Variants in STAT3 observed in about 807,000 individuals in gnomAD.
The protein encoded by STAT3 is DNA-binding protein APRF.
A neutral mutation model predicts 114.3 loss-of-function variants in STAT3; 7 were observed. That is an observed-to-expected ratio of 0.06 (90% CI 0.03 to 0.11). STAT3 has a LOEUF of 0.11. STAT3 is among the 10% of genes least tolerant of loss of function. The pLI, the probability that STAT3 is intolerant of heterozygous loss-of-function variation, is 1.00. For synonymous variants in STAT3, 331 were observed against 354.5 expected (o/e 0.93, Z 0.74); for missense variants, 364 against 960.9 (o/e 0.38, Z 8.21).
chr17:42,366,650 G>A (rs2083809744), intron 1 of STAT3, among the ~76,000 whole-genome samples: 1 of 124,436 alleles, frequency 8.0e-6, no homozygotes, highest in Non-Finnish European at 1.6e-5. Context: ...CAGCCTGGGA[G>A]ACAGAGTAAG....
intron 4 of STAT3, among the ~76,000 whole-genome samples, chr17:42,342,815 G>T (rs1388153240): frequency 6.6e-6 from 1 of 152,112 alleles, no homozygotes; most frequent in East Asian, 1.9e-4. Context: ...ACATCATGTG[G>T]CCTTGACTAG....
chr17:42,318,097 T>TGTGC (rs2081322786), intron 21 of STAT3, among the ~76,000 whole-genome samples: 2 of 151,386 alleles, frequency 1.3e-5, no homozygotes, highest in African/African-American at 4.9e-5. Flanking sequence ...GGACTACAGG[T>TGTGC]GGCACCACCA....
intron 1 of STAT3, among the ~76,000 whole-genome samples, chr17:42,366,577 G>C (rs1010706224): frequency 6.6e-5 from 10 of 151,052 alleles, no homozygotes; most frequent in Non-Finnish European, 1.3e-4. Flanking sequence ...AGGCTGAGGT[G>C]GGGGTATCAC....
intron 23 of STAT3, 184 bp downstream of exon 23, chr17:42,316,605 C>G: frequency 6.8e-7 from 1 of 1,462,212 alleles, no homozygotes. Flanking sequence ...TCGTCTATTT[C>G]CAGTGTGGCT....
Position 42,333,783 on chromosome 17 carries a change from G to A in STAT3, c.957-18C>T, listed in dbSNP as rs2144828793. ...CAAAGGCACTGAGGAAAGAGAAGAT[G>A]GGCTCACGCGCCACGGCCATGACCA... On this transcript the variant is annotated intron_variant, in intron 9 of 23. Transcript: ENST00000264657. The surrounding 1 kb of genome is among the most constrained non-coding windows in gnomAD (Gnocchi z 5.2). The A allele has an allele frequency of 6.2e-7, 1 of 1,614,170 alleles. No homozygotes were observed. Among genetic ancestry groups the A allele is most frequent in the Non-Finnish European group, 8.5e-7 (1 of 1,180,034 alleles).
rs35099574 is a variant in STAT3, at chr17:42,358,933, C to CTTTTTTTTTTTTTTTTTTT, written c.-23-10413_-23-10395dup. 3.8e-3 allele frequency among the ~76,000 whole-genome samples: 379 copies of CTTTTTTTTTTTTTTTTTTT among 100,422 alleles called. 32 individuals carry two copies. The highest frequency in any genetic ancestry group is 5.2e-3 in the Non-Finnish European group (278 of 53,340). 65.9% of individuals were successfully genotyped at this position (100,422 alleles called of 152,430 possible). On this transcript the variant is annotated intron_variant, in intron 1 of 23. Transcript: ENST00000264657. ...GTCTCCCTTTCATGGACATTTCTTA[C>CTTTTTTTTTTTTTTTTTTT]TTTTTTTTTTTTTTTTTTTGAGATG... is the stretch of plus-strand genomic sequence containing the variant.
Position 42,333,038 on chromosome 17 carries a change from A to G in STAT3, c.1049+635T>C, listed in dbSNP as rs1263933878. On this transcript the variant is annotated intron_variant, in intron 10 of 23. Transcript: ENST00000264657. This position sits in a 1 kb window ranked among gnomAD's most constrained non-coding sequence, Gnocchi z 5.2. ...GATGAGTATCACTCCTTCAAGCCAA[A>G]GGTACTGAGAAAACATCTAAGAACT... is the stretch of plus-strand genomic sequence containing the variant. Among the ~76,000 whole-genome samples the G allele has an allele frequency of 1.3e-5, 2 of 152,204 alleles. No individual in the cohort carries two copies. The highest frequency in any genetic ancestry group is 2.9e-5 in the Non-Finnish European group (2 of 68,028).
intron 1 of STAT3, among the ~76,000 whole-genome samples, chr17:42,352,420 G>A (rs1213440784): frequency 6.6e-6 from 1 of 152,140 alleles, no homozygotes; most frequent in Non-Finnish European, 1.5e-5. Context: ...AGTGGTACAG[G>A]TACACTAAGC....
intron 1 of STAT3, among the ~76,000 whole-genome samples, chr17:42,354,172 C>CTT (rs1212253278): frequency 0.038 from 4,095 of 108,636 alleles, 360 homozygotes; most frequent in African/African-American, 0.14. Flanking sequence ...TAATTGTGTT[C>CTT]TTTTTTTTTT....
At chr17:42,327,562 G>A (rs979317853) in intron 14 of STAT3, among the ~76,000 whole-genome samples, 4 of 152,158 alleles carry the variant, frequency 2.6e-5, no homozygotes, top group African/African-American at 9.7e-5. Context: ...TCAGGCTGAT[G>A]TCCACTTTAT....
intron 1 of STAT3, among the ~76,000 whole-genome samples, chr17:42,362,667 G>T (rs1287736978): frequency 6.6e-6 from 1 of 152,184 alleles, no homozygotes; most frequent in Non-Finnish European, 1.5e-5. Context: ...ATAGAAAGGG[G>T]AGAGAACAGT....
In STAT3 at chr17:42,315,460, T is replaced by C. The variant is rs2081212472; in HGVS notation, c.*285A>G. ...GGGGAACAAAACAACACAAGACATT[T>C]CCTTTTTCTCCCTCTAGCCACCCCC... On this transcript the variant is annotated 3_prime_UTR_variant, in exon 24 of 24. Transcript: ENST00000264657. 5 of 553,244 alleles carry C rather than the reference T, an allele frequency of 9.0e-6. No homozygotes were observed. The highest frequency in any genetic ancestry group is 1.6e-5 in the Non-Finnish European group (5 of 307,762). The allele number at this position is 553,244 out of a possible 1,614,324, so 34.3% of individuals were successfully genotyped here.
intron 1 of STAT3, among the ~76,000 whole-genome samples, chr17:42,363,133 C>T (rs1158618233): frequency 2.0e-5 from 3 of 152,166 alleles, no homozygotes; most frequent in Admixed American, 6.5e-5. Flanking sequence ...GAATGAACGA[C>T]TGGAGTGAAT....
chr17:42,322,913 C>T (rs1448326109), intron 20 of STAT3, 91 bp downstream of exon 20: 6 of 1,593,728 alleles, frequency 3.8e-6, no homozygotes, highest in Middle Eastern at 2.3e-4. Flanking sequence ...GCCATCTCCA[C>T]CCACCAGGGG....
intron 8 of STAT3, 21 bp from the exon 9 acceptor site, chr17:42,334,070 A>T: frequency 2.5e-6 from 4 of 1,613,966 alleles, no homozygotes; most frequent in Non-Finnish European, 3.4e-6. Context: ...ATTAAGAAAG[A>T]TGCTAATTAC....
chr17:42,348,657 G>A (rs2082804791), intron 1 of STAT3, 118 bp from the exon 2 acceptor site: 6 of 1,160,682 alleles, frequency 5.2e-6, no homozygotes, highest in Admixed American at 4.2e-5. Flanking sequence ...ATGCTCTGGG[G>A]AGGACCCTGC....
rs1199401895 is a variant in STAT3 at position 42,313,765 on chromosome 17, C to T, written c.*1980G>A. ...AACCCAATGGTAAGCCCAAGTCTCACCTTTCTAAATATTCTGTTTATCAGT... is the reference window on the plus strand; with the variant it reads ...AACCCAATGGTAAGCCCAAGTCTCATCTTTCTAAATATTCTGTTTATCAGT... On this transcript the variant is annotated 3_prime_UTR_variant, in exon 24 of 24. Coordinates refer to ENST00000264657, the MANE Select transcript of STAT3 (RefSeq NM_139276.3). 4.3e-6 allele frequency: 1 copy of T among 232,890 alleles called. No homozygotes were observed. The highest frequency in any genetic ancestry group is 2.2e-5 in the African/African-American group (1 of 45,280). The allele number at this position is 232,890 out of a possible 1,614,324, so 14.4% of individuals were successfully genotyped here.
chr17:42,326,319 G>A (rs778213547), intron 14 of STAT3, 120 bp from the exon 15 acceptor site: 4 of 824,474 alleles, frequency 4.9e-6, no homozygotes, highest in African/African-American at 1.7e-5. Context: ...ACCAGTCTAA[G>A]CAGCACAGCA....
At chr17:42,364,801 G>A (rs191129711) in intron 1 of STAT3, among the ~76,000 whole-genome samples, 304 of 152,244 alleles carry the variant, frequency 2.0e-3, no homozygotes, top group African/African-American at 7.0e-3. Context: ...AAATTTCTGA[G>A]TCTCAAAGTC....
Sources: allele counts gnomAD v4.1 joint callset (sites outside exome capture counted in the v4.1 genomes callset), GRCh38; gene constraint gnomAD v4.1.1; non-coding constraint Gnocchi (gnomAD v3.1); transcripts MANE v1.5; gene names NCBI Gene and HGNC (gene_info 2026-07-23, HGNC 2026-07-21).